Variants in GUCA1C observed in about 807,000 individuals in gnomAD.
The protein encoded by GUCA1C is guanylyl cyclase-activating protein 3.
A neutral mutation model predicts 16.2 loss-of-function variants in GUCA1C; 15 were observed. The ratio of observed to expected loss-of-function variants is 0.93; its 90% CI spans 0.62 to 1.43. The LOEUF (loss-of-function observed/expected upper bound fraction) is 1.43. Ranked by LOEUF, GUCA1C falls within the 40% of genes most tolerant of loss-of-function variation. GUCA1C has a pLI of 0.00. For missense variants in GUCA1C, 275 were observed against 244.8 expected (o/e 1.12, Z -0.82); for synonymous variants, 78 against 85.4 (o/e 0.91, Z 0.48).
chr3:108,915,788 T>C (rs986331188), intron 3 of GUCA1C, among the ~76,000 whole-genome samples: 2 of 152,104 alleles, frequency 1.3e-5, no homozygotes, highest in African/African-American at 4.8e-5. Flanking sequence ...CTGGAGAGTT[T>C]TCCTCTCCAG....
chr3:108,907,825 A>C lies in GUCA1C; in HGVS notation c.*197T>G, dbSNP rs1946406532. 1.9e-6 allele frequency: 1 copy of C among 535,888 alleles called. No individual in the cohort carries two copies. Among genetic ancestry groups the C allele is most frequent in the Admixed American group, 3.4e-5 (1 of 29,178 alleles). 33.2% of individuals were successfully genotyped at this position (535,888 alleles called of 1,614,324 possible). A position where few individuals can be genotyped will look rare whatever the true frequency, so the allele number is the denominator to read the frequency against. ...AATCATTATGTTTTAATCTGCAGAG[A>C]CAGCACAGAAAAGCAACAATGCATC... On this transcript the variant is annotated 3_prime_UTR_variant, in exon 4 of 4. Transcript: ENST00000261047.
chr3:108,953,501 A>G (rs1576560456), intron 1 of GUCA1C, 58 bp downstream of exon 1: 5 of 1,139,326 alleles, frequency 4.4e-6, no homozygotes, highest in South Asian at 2.7e-5. Flanking sequence ...AAAAAAAAAA[A>G]AGGGAAGAGT....
At chr3:108,937,077 C>G (rs887349633) in intron 1 of GUCA1C, among the ~76,000 whole-genome samples, 1 of 152,186 alleles carries the variant, frequency 6.6e-6, no homozygotes, top group Non-Finnish European at 1.5e-5. Flanking sequence ...AGGAAATGTT[C>G]CCAAATGCCC....
chr3:108,938,889 G>T (rs1946756198), intron 1 of GUCA1C, among the ~76,000 whole-genome samples: 1 of 152,180 alleles, frequency 6.6e-6, no homozygotes, highest in Non-Finnish European at 1.5e-5. Context: ...CTGGATATCA[G>T]AAAGCCCTAG....
intron 1 of GUCA1C, among the ~76,000 whole-genome samples, chr3:108,938,231 A>G (rs1946748818): frequency 7.0e-6 from 1 of 143,568 alleles, no homozygotes; most frequent in African/African-American, 2.5e-5. Context: ...ATTAACTTTC[A>G]GTTATTTTTC....
chr3:108,908,332 G>GTA, intron 3 of GUCA1C, 123 bp from the exon 4 acceptor site: 1 of 342,826 alleles, frequency 2.9e-6, no homozygotes, highest in Non-Finnish European at 4.9e-6. Flanking sequence ...CAGACTCTAA[G>GTA]ATCTTTGAAG....
intron 1 of GUCA1C, among the ~76,000 whole-genome samples, chr3:108,948,541 A>T (rs565677513): frequency 1.3e-5 from 2 of 149,626 alleles, no homozygotes; most frequent in African/African-American, 5.1e-5. Context: ...AGAGCTTCCT[A>T]AAAAAAAGTA....
chr3:108,907,800 A>C lies in GUCA1C; in HGVS notation c.*222T>G. On this transcript the variant is annotated 3_prime_UTR_variant, in exon 4 of 4. Transcript: ENST00000261047. ...AGGTATGGAGACAATCCTTTAGTGTAATCATTATGTTTTAATCTGCAGAGA... is the reference window on the plus strand; with the variant it reads ...AGGTATGGAGACAATCCTTTAGTGTCATCATTATGTTTTAATCTGCAGAGA... 1 of 492,704 alleles carries C rather than the reference A, an allele frequency of 2.0e-6. No individual in the cohort carries two copies. Among genetic ancestry groups the C allele is most frequent in the African/African-American group, 1.9e-5 (1 of 51,546 alleles). The allele number at this position is 492,704 out of a possible 1,614,324, so 30.5% of individuals were successfully genotyped here.
intron 3 of GUCA1C, among the ~76,000 whole-genome samples, chr3:108,914,403 G>A (rs994504344): frequency 6.6e-6 from 1 of 152,074 alleles, no homozygotes. Context: ...ATGTTTTCTC[G>A]AATACACTAT....
intron 3 of GUCA1C, among the ~76,000 whole-genome samples, chr3:108,913,117 A>C (rs1946472857): frequency 6.6e-6 from 1 of 152,070 alleles, no homozygotes; most frequent in Non-Finnish European, 1.5e-5. Context: ...TCATATGCAT[A>C]CCTAAAGTCT....
At chr3:108,915,663 T>C (rs1018220389) in intron 3 of GUCA1C, among the ~76,000 whole-genome samples, 1 of 152,014 alleles carries the variant, frequency 6.6e-6, no homozygotes, top group Admixed American at 6.5e-5. Context: ...TCTCCAGAAA[T>C]GTTTAGTCCA....
chr3:108,912,037 C>T (rs921861727), intron 3 of GUCA1C, among the ~76,000 whole-genome samples: 21 of 150,682 alleles, frequency 1.4e-4, no homozygotes, highest in Non-Finnish European at 2.5e-4. Context: ...ACCCGGGAGG[C>T]GGAGGTTGCA....
chr3:108,914,380 C>T (rs1305998531), intron 3 of GUCA1C, among the ~76,000 whole-genome samples: 1 of 152,140 alleles, frequency 6.6e-6, no homozygotes, highest in East Asian at 1.9e-4. Context: ...ACAAAAAGTC[C>T]TGAATCATAT....
At chr3:108,922,160 AACACACACACACAC>A (rs56788372) in intron 1 of GUCA1C, among the ~76,000 whole-genome samples, 6 of 52,122 alleles carry the variant, frequency 1.2e-4, no homozygotes, top group Non-Finnish European at 2.6e-4. Context: ...CACATACACA[AACACACACACACAC>A]ACACACACAC....
intron 1 of GUCA1C, among the ~76,000 whole-genome samples, chr3:108,932,240 C>T (rs1026773439): frequency 1.3e-5 from 2 of 149,824 alleles, no homozygotes; most frequent in African/African-American, 4.9e-5. Flanking sequence ...TCTTATTGGC[C>T]TGAGCCTGAG....
chr3:108,922,408 T>A (rs1393477458), intron 1 of GUCA1C, among the ~76,000 whole-genome samples: 1 of 152,172 alleles, frequency 6.6e-6, no homozygotes, highest in Non-Finnish European at 1.5e-5. Flanking sequence ...TTTTAAGGAA[T>A]CTCCACACTG....
chr3:108,936,129 G>T (rs1437731423), intron 1 of GUCA1C, among the ~76,000 whole-genome samples: 2 of 152,104 alleles, frequency 1.3e-5, no homozygotes, highest in Non-Finnish European at 1.5e-5. Flanking sequence ...ACCAGGTGTT[G>T]TGGTGTGCAC....
intron 1 of GUCA1C, among the ~76,000 whole-genome samples, chr3:108,925,098 C>G (rs1946610429): frequency 3.2e-5 from 3 of 93,416 alleles, no homozygotes; most frequent in South Asian, 6.6e-4. Context: ...TTTCATATAC[C>G]TTTTGTATTT....
intron 1 of GUCA1C, among the ~76,000 whole-genome samples, chr3:108,953,159 C>T (rs1559850556): frequency 1.3e-5 from 2 of 152,174 alleles, no homozygotes; most frequent in African/African-American, 4.8e-5. Context: ...GATGCAATCA[C>T]ACTTTTAAAA....
Sources: gnomAD v4.1 joint callset for allele counts (sites outside exome capture counted in the v4.1 genomes callset) on GRCh38, gnomAD v4.1.1 for gene constraint, MANE v1.5 for transcripts, NCBI Gene and HGNC (gene_info 2026-07-23, HGNC 2026-07-21) for gene names.